The following SV2C variants were observed in gnomAD, a reference collection of about 807,000 sequenced individuals.
SV2C encodes synaptic vesicle glycoprotein 2C, also known as solute carrier family 22 member B3.
SV2C carries 49 observed loss-of-function variants against 79.7 expected under a neutral mutation model. The observed-to-expected ratio is 0.61, with a 90% CI of 0.49 to 0.78. The LOEUF is 0.78. Among genes scored for constraint, SV2C ranks in the 30% least tolerant of loss-of-function variants. The pLI is 0.00. For synonymous variants in SV2C, 334 were observed against 333.2 expected (o/e 1.00, Z -0.03); for missense variants, 833 against 912.9 (o/e 0.91, Z 1.13).
Position 76,329,127 on chromosome 5 carries a change from C to G in SV2C, c.*3580C>G, listed in dbSNP as rs983755606. The G allele has an allele frequency of 6.6e-6, 1 of 152,020 alleles. No homozygotes were observed. The highest frequency in any genetic ancestry group is 6.6e-5 in the Admixed American group (1 of 15,260). 9.4% of individuals were successfully genotyped at this position (152,020 alleles called of 1,614,324 possible). A position where few individuals can be genotyped will look rare whatever the true frequency, so the allele number is the denominator to read the frequency against. On this transcript the variant is annotated 3_prime_UTR_variant, in exon 13 of 13. Transcript: ENST00000502798. ...AAACTGAAAAATTAGGAAATAGGCA[C>G]GCATAAAAAGAGTGTAGGAAGTTGT...
chr5:76,156,791 A>T (rs1742740120), intron 2 of SV2C, among the ~76,000 whole-genome samples: 1 of 152,114 alleles, frequency 6.6e-6, no homozygotes, highest in South Asian at 2.1e-4. Context: ...AATTAACCAA[A>T]GAGGTTCAAG....
At chr5:76,257,427 G>T (rs931953358) in intron 4 of SV2C, among the ~76,000 whole-genome samples, 6 of 117,982 alleles carry the variant, frequency 5.1e-5, no homozygotes, top group African/African-American at 1.6e-4. Context: ...TTTGTGTGTG[G>T]GTAATGTGCA....
intron 4 of SV2C, among the ~76,000 whole-genome samples, chr5:76,233,722 G>A (rs1745514845): frequency 6.6e-6 from 1 of 151,144 alleles, no homozygotes; most frequent in African/African-American, 2.5e-5. Flanking sequence ...CTTTGGCTCT[G>A]TTTATATGCT....
intron 4 of SV2C, 146 bp downstream of exon 4, chr5:76,210,033 C>T (rs1227319775): frequency 2.0e-6 from 2 of 1,008,682 alleles, no homozygotes; most frequent in Non-Finnish European, 2.8e-6. Flanking sequence ...AGGAGTTTTT[C>T]CCCTCTGTGT....
intron 2 of SV2C, among the ~76,000 whole-genome samples, chr5:76,192,083 C>G (rs1270682548): frequency 6.6e-6 from 1 of 152,098 alleles, no homozygotes; most frequent in Non-Finnish European, 1.5e-5. Context: ...TACTCTGTAG[C>G]CTTCATCTCC....
chr5:76,034,038 G>T, the SV2C span, among the ~76,000 whole-genome samples: 1 of 120,638 alleles, frequency 8.3e-6, no homozygotes, highest in Non-Finnish European at 2.1e-5. Flanking sequence ...CTCATGATTT[G>T]GCTCTCTGTT....
chr5:76,151,796 C>A (rs1280017959), intron 2 of SV2C, among the ~76,000 whole-genome samples: 1 of 134,574 alleles, frequency 7.4e-6, no homozygotes, highest in Non-Finnish European at 1.7e-5. Context: ...CTTAGCAGAG[C>A]CTGGGTGGCA....
intron 12 of SV2C, 91 bp downstream of exon 12, chr5:76,301,636 C>G: frequency 6.8e-7 from 1 of 1,461,008 alleles, no homozygotes; most frequent in African/African-American, 1.4e-5. Context: ...TGGCTGGGCA[C>G]GGTAGCTTAT....
At chr5:76,110,822 A>G (rs1292731233) in intron 1 of SV2C, among the ~76,000 whole-genome samples, 1 of 152,216 alleles carries the variant, frequency 6.6e-6, no homozygotes, top group African/African-American at 2.4e-5. Flanking sequence ...TGCTTGCCAC[A>G]GTGGTGCAAA....
chr5:76,114,091 C>T (rs1748180541), intron 1 of SV2C, among the ~76,000 whole-genome samples: 1 of 152,190 alleles, frequency 6.6e-6, no homozygotes, highest in South Asian at 2.1e-4. Context: ...TTGCAGACGG[C>T]TCTGTGGGGA....
chr5:75,967,521 T>A, the SV2C span, among the ~76,000 whole-genome samples: 1 of 152,182 alleles, frequency 6.6e-6, no homozygotes, highest in African/African-American at 2.4e-5. Context: ...ACCAGGAGTT[T>A]ATATCCCGCA....
upstream of SV2C, among the ~76,000 whole-genome samples, chr5:76,081,369 T>A (rs1300060662): frequency 6.6e-6 from 1 of 152,198 alleles, no homozygotes; most frequent in Admixed American, 6.5e-5. Context: ...CATTTTGCAG[T>A]TGGAAGCTCA....
At chr5:75,856,021 A>G in the SV2C span, among the ~76,000 whole-genome samples, 4 of 152,296 alleles carry the variant, frequency 2.6e-5, no homozygotes, top group East Asian at 5.8e-4. Context: ...TTTAGCTCCC[A>G]CAAATGAGTC....
chr5:75,961,003 C>T, the SV2C span, among the ~76,000 whole-genome samples: 1 of 151,896 alleles, frequency 6.6e-6, no homozygotes, highest in Non-Finnish European at 1.5e-5. Context: ...GAAGGCCCAC[C>T]CCTAGTATTT....
chr5:75,850,034 A>T, the SV2C span, among the ~76,000 whole-genome samples: 1 of 152,098 alleles, frequency 6.6e-6, no homozygotes, highest in Non-Finnish European at 1.5e-5. Flanking sequence ...TTTTGAAGAG[A>T]TTTAATATCT....
At chr5:76,153,491 C>T (rs1434594557) in intron 2 of SV2C, among the ~76,000 whole-genome samples, 1 of 152,166 alleles carries the variant, frequency 6.6e-6, no homozygotes, top group Non-Finnish European at 1.5e-5. Context: ...ATCCAGCAAA[C>T]ACTTATTTCA....
intron 12 of SV2C, among the ~76,000 whole-genome samples, chr5:76,352,109 C>T (rs1158136420): frequency 3.3e-5 from 5 of 152,012 alleles, no homozygotes; most frequent in Non-Finnish European, 4.4e-5. Flanking sequence ...GCTACTTGAG[C>T]GGCTGAGGCA....
intron 4 of SV2C, among the ~76,000 whole-genome samples, chr5:76,281,659 A>C (rs1456493127): frequency 6.6e-6 from 1 of 152,106 alleles, no homozygotes; most frequent in African/African-American, 2.4e-5. Context: ...AGGAGAGATT[A>C]TGTGTTCTTG....
chr5:76,153,158 C>T (rs551639211), intron 2 of SV2C, among the ~76,000 whole-genome samples: 24 of 152,214 alleles, frequency 1.6e-4, no homozygotes, highest in Non-Finnish European at 2.8e-4. Context: ...GTAGGGACCC[C>T]GAGCTCTTTC....
Sources: allele counts gnomAD v4.1 joint callset (sites outside exome capture counted in the v4.1 genomes callset), GRCh38; gene constraint gnomAD v4.1.1; transcripts MANE v1.5; gene names NCBI Gene and HGNC (gene_info 2026-07-23, HGNC 2026-07-21).